Variants in RARB observed in about 807,000 individuals in gnomAD.
The protein encoded by RARB is HBV-activated protein.
RARB carries 17 observed loss-of-function variants against 51.9 expected under a neutral mutation model. The observed-to-expected ratio is 0.33, with a 90% CI of 0.22 to 0.49. The LOEUF is 0.49. Ranked by LOEUF, RARB falls within the 20% of genes least tolerant of loss-of-function variation. RARB has a pLI of 0.99. For synonymous variants in RARB, 215 were observed against 195.4 expected, an observed-to-expected ratio of 1.10 and a Z score of -0.84; for missense variants, 369 against 550.8, an observed-to-expected ratio of 0.67 and a Z score of 3.30.
At chr3:24,914,039 G>C (rs894755201) in intron 2 of RARB, among the ~76,000 whole-genome samples, 3 of 152,212 alleles carry the variant, frequency 2.0e-5, no homozygotes, top group Non-Finnish European at 2.9e-5. Context: ...GTATGGCCAA[G>C]ATGGTGCCAA....
chr3:25,424,687 G>A (rs1023357177), upstream of RARB, among the ~76,000 whole-genome samples: 2 of 152,162 alleles, frequency 1.3e-5, no homozygotes, highest in African/African-American at 4.8e-5. Flanking sequence ...GGTGGGGGGG[G>A]ATATGTCTGC....
chr3:25,214,961 C>A (rs184181717), intron 5 of RARB, among the ~76,000 whole-genome samples: 397 of 152,274 alleles, frequency 2.6e-3, no homozygotes, highest in Non-Finnish European at 3.4e-3. Context: ...ACAATAGCAA[C>A]ATGAATGACT....
At chr3:25,215,293 C>G (rs1375329134) in intron 5 of RARB, among the ~76,000 whole-genome samples, 1 of 152,126 alleles carries the variant, frequency 6.6e-6, no homozygotes, top group African/African-American at 2.4e-5. Flanking sequence ...AAACCTAAAT[C>G]ATTAATGTGA....
chr3:25,210,681 C>A (rs1231992827), intron 5 of RARB, among the ~76,000 whole-genome samples: 1 of 151,388 alleles, frequency 6.6e-6, no homozygotes, highest in Non-Finnish European at 1.5e-5. Context: ...GGTTGCAGGG[C>A]ACACCACCAT....
At chr3:25,238,404 A>G (rs1222806295) in intron 5 of RARB, among the ~76,000 whole-genome samples, 1 of 152,156 alleles carries the variant, frequency 6.6e-6, no homozygotes, top group Non-Finnish European at 1.5e-5. Flanking sequence ...TTATTCATTT[A>G]TCCATTGGTG....
intron 2 of RARB, among the ~76,000 whole-genome samples, chr3:24,912,288 A>G (rs58434424): frequency 0.011 from 1,709 of 152,264 alleles, 29 homozygotes; most frequent in African/African-American, 0.036. Context: ...GATCTCGGGT[A>G]AGTTAGGGAA....
At chr3:24,843,162 T>C (rs1320545366) in intron 1 of RARB, among the ~76,000 whole-genome samples, 2 of 152,134 alleles carry the variant, frequency 1.3e-5, no homozygotes, top group Non-Finnish European at 2.9e-5. Flanking sequence ...TTGGATTAAT[T>C]GGGCAATGCT....
intron 4 of RARB, among the ~76,000 whole-genome samples, 184 bp from the exon 5 acceptor site, chr3:25,580,362 A>G (rs1216071626): frequency 6.6e-6 from 1 of 152,244 alleles, no homozygotes; most frequent in African/African-American, 2.4e-5. Flanking sequence ...TGACAGAGCG[A>G]GACTCCGTCT....
chr3:24,874,124 C>G (rs1293042333), intron 2 of RARB, among the ~76,000 whole-genome samples: 1 of 151,932 alleles, frequency 6.6e-6, no homozygotes, highest in Non-Finnish European at 1.5e-5. Flanking sequence ...CTTGAGCATT[C>G]ATAAATTTTG....
intron 2 of RARB, among the ~76,000 whole-genome samples, chr3:25,465,547 A>G (rs1210016658): frequency 6.6e-6 from 1 of 152,186 alleles, no homozygotes; most frequent in African/African-American, 2.4e-5. Context: ...CCATCCTCCT[A>G]GGGACTGGGT....
intron 4 of RARB, among the ~76,000 whole-genome samples, chr3:25,144,231 G>T (rs577025868): frequency 6.6e-6 from 1 of 152,230 alleles, no homozygotes; most frequent in Admixed American, 6.5e-5. Flanking sequence ...AGATGGCAGG[G>T]TACTTAAAAA....
intron 5 of RARB, among the ~76,000 whole-genome samples, chr3:25,291,166 A>G (rs916094808): frequency 6.6e-6 from 1 of 152,224 alleles, no homozygotes; most frequent in African/African-American, 2.4e-5. Context: ...ATTATAATCC[A>G]TCTGCTTCAC....
At chr3:25,030,830 A>G (rs896420374) in intron 2 of RARB, among the ~76,000 whole-genome samples, 1 of 152,148 alleles carries the variant, frequency 6.6e-6, no homozygotes, top group Non-Finnish European at 1.5e-5. Context: ...AAGAGCAAGG[A>G]CCTCTTTTCT....
At position 25,417,903 on chromosome 3, in the gene RARB, G is replaced by A. The variant is rs751664354; in HGVS notation, c.179-43290G>A. Among the ~76,000 whole-genome samples the A allele has an allele frequency of 2.6e-5, 4 of 152,304 alleles. No individual in the cohort carries two copies. In the South Asian group the frequency reaches 8.3e-4, roughly 32 times the overall value. ...AGAGGTAAATGCTCCAGGCTGGCAC[G>A]ACAGCCAGTACTCCACATGGACATT... On this transcript the variant is annotated intron_variant, in intron 5 of 11. Transcript: ENST00000383772.
At chr3:25,577,341 A>G (rs1017930453) in intron 4 of RARB, among the ~76,000 whole-genome samples, 2 of 152,216 alleles carry the variant, frequency 1.3e-5, no homozygotes, top group African/African-American at 4.8e-5. Flanking sequence ...TTAAGCATGT[A>G]GAACAGTGCC....
At chr3:24,864,124 A>G (rs1359035736) in intron 2 of RARB, among the ~76,000 whole-genome samples, 1 of 152,136 alleles carries the variant, frequency 6.6e-6, no homozygotes, top group Non-Finnish European at 1.5e-5. Flanking sequence ...CACTGAGCTT[A>G]CTTGTTTCAC....
chr3:24,870,707 AGTACTTTTTACT>A (rs1559377662), intron 2 of RARB, among the ~76,000 whole-genome samples: 2 of 152,088 alleles, frequency 1.3e-5, no homozygotes, highest in Admixed American at 1.3e-4. Flanking sequence ...GGTGTGGATG[AGTACTTTTTACT>A]GCACTGATTA....
At chr3:25,088,477 C>T (rs547944717) in intron 3 of RARB, among the ~76,000 whole-genome samples, 1 of 152,180 alleles carries the variant, frequency 6.6e-6, no homozygotes, top group Non-Finnish European at 1.5e-5. Context: ...GGGACTATAG[C>T]CCTTGCTCCT....
At chr3:25,588,815 C>G (rs1056004518) in intron 5 of RARB, among the ~76,000 whole-genome samples, 1 of 152,138 alleles carries the variant, frequency 6.6e-6, no homozygotes, top group African/African-American at 2.4e-5. Context: ...GGTTAACTGT[C>G]CTCTTGAAAT....
Sources: allele counts gnomAD v4.1 joint callset (sites outside exome capture counted in the v4.1 genomes callset), GRCh38; gene constraint gnomAD v4.1.1; transcripts MANE v1.5; gene names NCBI Gene and HGNC (gene_info 2026-07-23, HGNC 2026-07-21).